The following RAF1 variants were observed in gnomAD, a reference collection of about 807,000 sequenced individuals.
RAF1 encodes the protein RAF proto-oncogene serine/threonine-protein kinase.
Under a neutral mutation model 81.1 loss-of-function variants are expected in RAF1, and 27 were observed. The ratio of observed to expected loss-of-function variants is 0.33; its 90% CI spans 0.25 to 0.46. The LOEUF (loss-of-function observed/expected upper bound fraction) is 0.46, where lower values mean the gene tolerates loss of function less well. Ranked by LOEUF, RAF1 falls within the 20% of genes least tolerant of loss-of-function variation. RAF1 has a pLI of 1.00. For synonymous variants in RAF1, 298 were observed against 294.0 expected (o/e 1.01, Z -0.14); for missense variants, 598 against 826.0 (o/e 0.72, Z 3.38).
In RAF1 at chr3:12,645,006, G is replaced by A. The variant is rs570622328; in HGVS notation, c.-27+18807C>T. ...CCCAGCTACTCGGGAGGCTGAGGCA[G>A]AAGAACTGCTTGAACCAGAGAGTTG... On this transcript the variant is annotated intron_variant, in intron 1 of 17. Transcript: ENST00000442415. Among the ~76,000 whole-genome samples the A allele has an allele frequency of 4.8e-5, 7 of 144,936 alleles. No individual in the cohort carries two copies. In the South Asian group the frequency reaches 1.5e-3, roughly 32 times the overall value.
intron 1 of RAF1, among the ~76,000 whole-genome samples, chr3:12,657,538 G>A (rs1012692806): frequency 6.6e-5 from 10 of 152,108 alleles, no homozygotes; most frequent in African/African-American, 1.9e-4. Context: ...TTGGGAGGCC[G>A]AGGTGGGCAG....
At chr3:12,635,802 T>C (rs1173790269) in intron 1 of RAF1, among the ~76,000 whole-genome samples, 2 of 150,232 alleles carry the variant, frequency 1.3e-5, no homozygotes, top group South Asian at 2.1e-4. Context: ...TGAAACCCCA[T>C]CTCTACTAAA....
At chr3:12,614,249 T>G (rs2059304799) in intron 2 of RAF1, among the ~76,000 whole-genome samples, 1 of 152,214 alleles carries the variant, frequency 6.6e-6, no homozygotes, top group South Asian at 2.1e-4. Flanking sequence ...CTTTAAAAGT[T>G]TCTTGTACAT....
chr3:12,588,347 A>C (rs904764695), intron 13 of RAF1: 5 of 152,218 alleles, frequency 3.3e-5, no homozygotes, highest in African/African-American at 1.2e-4. Context: ...ACTTAACGGC[A>C]GGGATACCTT....
chr3:12,662,334 C>A lies in RAF1; in HGVS notation c.-27+1479G>T, dbSNP rs1236600025. On this transcript the variant is annotated intron_variant, in intron 1 of 17. Coordinates refer to ENST00000442415, the MANE Select transcript of RAF1 (RefSeq NM_001354689.3). ...CTGGGCGACAGAGTGAGATCCTGTT[C>A]CTTTAAAAAAAAAAAAAAAAAAAAA... Among the ~76,000 whole-genome samples, 3 of 73,126 alleles carry A rather than the reference C, an allele frequency of 4.1e-5. No individual in the cohort carries two copies. In the South Asian group the frequency reaches 1.5e-3, roughly 37 times the overall value. The allele number at this position is 73,126 out of a possible 152,430, so 48.0% of individuals were successfully genotyped here.
At chr3:12,646,813 C>T (rs1432869484) in intron 1 of RAF1, among the ~76,000 whole-genome samples, 4 of 151,434 alleles carry the variant, frequency 2.6e-5, no homozygotes, top group Non-Finnish European at 5.9e-5. Context: ...CCTCCCAAAA[C>T]GCTGGGATTA....
chr3:12,608,595 C>T, intron 5 of RAF1, 171 bp downstream of exon 5: 2 of 755,638 alleles, frequency 2.6e-6, no homozygotes, highest in Non-Finnish European at 4.4e-6. Flanking sequence ...ATGAATGCCA[C>T]CAAACCTAGC....
At chr3:12,646,953 AG>A (rs1241467194) in intron 1 of RAF1, among the ~76,000 whole-genome samples, 6 of 150,326 alleles carry the variant, frequency 4.0e-5, no homozygotes, top group Non-Finnish European at 7.4e-5. Context: ...CCAAAGTGCT[AG>A]GATTACAGGA....
Position 12,585,270 on chromosome 3 carries a change from A to G in RAF1, c.1597-17T>C, listed in dbSNP as rs1387687452. On this transcript the variant is annotated splice_polypyrimidine_tract_variant and intron_variant, in intron 15 of 17. Coordinates refer to ENST00000442415, the MANE Select transcript of RAF1 (RefSeq NM_001354689.3). The stretch of plus-strand genomic sequence containing the variant: ...CTCTGGGGCCTACATGTATCACCAT[A>G]TGACAAAAGTGCATTTATCACCATA... The G allele has an allele frequency of 1.1e-5, 17 of 1,613,858 alleles. No individual in the cohort carries two copies. Among genetic ancestry groups the G allele is most frequent in the Middle Eastern group, 1.7e-4 (1 of 5,914 alleles).
chr3:12,626,205 T>C lies in RAF1; in HGVS notation c.-26-7458A>G, dbSNP rs1192238615. 5.9e-4 allele frequency among the ~76,000 whole-genome samples: 88 copies of C among 148,144 alleles called. 1 individual carries two copies. The highest frequency in any genetic ancestry group is 2.2e-3 in the Admixed American group (33 of 14,712). On this transcript the variant is annotated intron_variant, in intron 1 of 17. Coordinates refer to ENST00000442415, the MANE Select transcript of RAF1 (RefSeq NM_001354689.3). ...GTTGCAGTGAGCCAAGATAGCGCCA[T>C]TGCACTCCAGCTTGAGCAACATGAG...
chr3:12,635,380 C>T lies in RAF1; in HGVS notation c.-26-16633G>A, dbSNP rs148585388. Among the ~76,000 whole-genome samples the T allele has an allele frequency of 7.2e-4, 101 of 139,432 alleles. No individual in the cohort carries two copies. The East Asian group carries it at 0.018, about 25-fold the overall frequency. The allele number at this position is 139,432 out of a possible 152,430, so 91.5% of individuals were successfully genotyped here. ...GGCCAGGGGCCATGGCTCACACCTG[C>T]AATCCCAACACTTCAGGAGGCCGAG... On this transcript the variant is annotated intron_variant, in intron 1 of 17. Transcript: ENST00000442415.
intron 1 of RAF1, among the ~76,000 whole-genome samples, chr3:12,641,537 G>A (rs777410016): frequency 4.0e-4 from 60 of 148,612 alleles, no homozygotes; most frequent in Non-Finnish European, 7.3e-4. Context: ...TGTCACCCAG[G>A]CTAAAGTGTA....
chr3:12,585,161 C>G lies in RAF1; in HGVS notation c.1689G>C (p.Thr563=), dbSNP rs5746244. ...TGATGTGAGAATAAGGAAGCTCCCC[C>G]GTCATCAGTTCATACAATACGATGC... Residue 563 remains threonine, a synonymous_variant, in exon 16 of 18, where the codon ACG becomes ACC. Coordinates refer to ENST00000442415, the MANE Select transcript of RAF1 (RefSeq NM_001354689.3). 620 of 1,614,158 alleles carry G rather than the reference C, an allele frequency of 3.8e-4. 12 individuals are homozygous for G. In the East Asian group the frequency reaches 0.013, roughly 33 times the overall value.
intron 13 of RAF1, 122 bp from the exon 13 acceptor site, chr3:12,587,759 G>C (rs1439223766): frequency 1.3e-6 from 1 of 799,188 alleles, no homozygotes; most frequent in South Asian, 1.4e-5. Context: ...TACACACAGG[G>C]ATAGACCCTG....
intron 7 of RAF1, among the ~76,000 whole-genome samples, 154 bp downstream of exon 7, chr3:12,603,982 G>T (rs1013186098): frequency 3.3e-5 from 5 of 152,216 alleles, no homozygotes; most frequent in African/African-American, 1.2e-4. Context: ...CCAGTCTGAA[G>T]ATATTATGGA....
chr3:12,607,110 T>C (rs1575579308), intron 5 of RAF1, among the ~76,000 whole-genome samples: 1 of 152,214 alleles, frequency 6.6e-6, no homozygotes, highest in Non-Finnish European at 1.5e-5. Context: ...AAACATTCCA[T>C]CTTGAAAATG....
chr3:12,586,049 C>A (rs966542707), intron 14 of RAF1: 2 of 484,836 alleles, frequency 4.1e-6, no homozygotes, highest in Admixed American at 6.6e-5. Context: ...GCGTTTCTTC[C>A]CTGCTTCTTC....
At chr3:12,631,530 C>T (rs1243466456) in intron 1 of RAF1, among the ~76,000 whole-genome samples, 1 of 152,128 alleles carries the variant, frequency 6.6e-6, no homozygotes, top group Non-Finnish European at 1.5e-5. Context: ...ACCCGGGAGG[C>T]GGAGCTTGCA....
chr3:12,621,808 G>T (rs958278955), intron 1 of RAF1, among the ~76,000 whole-genome samples: 3 of 152,122 alleles, frequency 2.0e-5, no homozygotes, highest in African/African-American at 7.2e-5. Context: ...GGTGGGAAAA[G>T]ATATCCAAGA....
Sources: allele counts gnomAD v4.1 joint callset (sites outside exome capture counted in the v4.1 genomes callset), GRCh38; gene constraint gnomAD v4.1.1; transcripts MANE v1.5; gene names NCBI Gene and HGNC (gene_info 2026-07-23, HGNC 2026-07-21).